Variants in SPIRE1 observed in about 807,000 individuals in gnomAD.
The protein encoded by SPIRE1 is protein spire homolog 1.
Under a neutral mutation model 94.1 loss-of-function variants are expected in SPIRE1, and 40 were observed. The ratio of observed to expected loss-of-function variants is 0.43; its 90% CI spans 0.33 to 0.55. The LOEUF (loss-of-function observed/expected upper bound fraction) is 0.55. Among genes scored for constraint, SPIRE1 ranks in the 20% least tolerant of loss-of-function variants. The probability of loss-of-function intolerance (pLI) is 0.06; values close to 1 mark genes in which losing one functional copy is unlikely to be tolerated. For missense variants in SPIRE1, 838 were observed against 975.2 expected, an observed-to-expected ratio of 0.86 and a Z score of 1.87; for synonymous variants, 376 against 371.7, an observed-to-expected ratio of 1.01 and a Z score of -0.13.
At chr18:12,517,094 A>G (rs373831304) in intron 4 of SPIRE1, among the ~76,000 whole-genome samples, 43 of 152,338 alleles carry the variant, frequency 2.8e-4, no homozygotes, top group African/African-American at 9.6e-4. Context: ...CTCATATATT[A>G]AAGTGCAAAT....
chr18:12,472,384 T>C (rs76916531), intron 10 of SPIRE1, among the ~76,000 whole-genome samples: 1 of 151,310 alleles, frequency 6.6e-6, no homozygotes, highest in Non-Finnish European at 1.5e-5. Flanking sequence ...TTTTTTTTTT[T>C]TGAGACAGGG....
intron 4 of SPIRE1, among the ~76,000 whole-genome samples, chr18:12,522,667 T>C: frequency 6.6e-6 from 1 of 152,158 alleles, no homozygotes; most frequent in Non-Finnish European, 1.5e-5. Flanking sequence ...GGGGCTAATG[T>C]GGGTGATGAA....
intron 8 of SPIRE1, among the ~76,000 whole-genome samples, chr18:12,491,238 T>A (rs1376190124): frequency 7.9e-6 from 1 of 126,076 alleles, no homozygotes. Context: ...TATATACAGA[T>A]CCAATAGAAT....
chr18:12,577,424 G>C (rs1003901604), intron 2 of SPIRE1, among the ~76,000 whole-genome samples: 3 of 152,024 alleles, frequency 2.0e-5, no homozygotes, highest in Non-Finnish European at 2.9e-5. Context: ...TGTGATTACA[G>C]GCATGAGCCA....
At chr18:12,570,839 C>T (rs1315561282) in intron 2 of SPIRE1, among the ~76,000 whole-genome samples, 4 of 152,118 alleles carry the variant, frequency 2.6e-5, no homozygotes, top group African/African-American at 9.7e-5. Context: ...ATGAGGACTT[C>T]CCTTGTTCCA....
At chr18:12,536,412 A>G (rs2034842050) in intron 3 of SPIRE1, among the ~76,000 whole-genome samples, 1 of 152,178 alleles carries the variant, frequency 6.6e-6, no homozygotes, top group Non-Finnish European at 1.5e-5. Flanking sequence ...CCATAGTCAC[A>G]TGGTTACCAA....
At position 12,454,413 on chromosome 18, in the gene SPIRE1, A is replaced by G; in HGVS notation, c.1709T>C (p.Leu570Pro). 1 of 1,614,116 alleles carries G rather than the reference A, an allele frequency of 6.2e-7. No individual in the cohort carries two copies. Among genetic ancestry groups the G allele is most frequent in the Non-Finnish European group, 8.5e-7 (1 of 1,180,000 alleles). The change falls in exon 13 of 17, where the codon CTG becomes CCG. Residue 570 changes from leucine (L) to proline (P), a missense_variant. Around this residue, in one of 2 missense-constraint regions of SPIRE1, gnomAD observed 645 missense variants for 804.7 expected, o/e 0.80. Coordinates refer to ENST00000409402, the MANE Select transcript of SPIRE1 (RefSeq NM_001128626.2). The part of the protein sequence containing the change: ...VEEVMHIRQV[L>P]VKAELEKYQQ... Reference sequence around the variant, plus strand: ...GTATTTTTCCAGCTCTGCCTTCACCAGGACCTGGCGAATATGCATCACTTC... The same window carrying G: ...GTATTTTTCCAGCTCTGCCTTCACCGGGACCTGGCGAATATGCATCACTTC...
intron 9 of SPIRE1, 100 bp from the exon 10 acceptor site, chr18:12,479,971 G>T: frequency 8.8e-7 from 1 of 1,136,624 alleles, no homozygotes; most frequent in Non-Finnish European, 1.2e-6. Context: ...AAACACAGAG[G>T]CTTGATTCAG....
At chr18:12,561,207 C>T (rs1056919904) in intron 2 of SPIRE1, among the ~76,000 whole-genome samples, 4 of 151,478 alleles carry the variant, frequency 2.6e-5, no homozygotes, top group African/African-American at 9.7e-5. Flanking sequence ...GGTCTCCTTA[C>T]ACAAGTTACA....
chr18:12,483,384 T>A (rs983419478), intron 9 of SPIRE1, among the ~76,000 whole-genome samples: 1 of 151,942 alleles, frequency 6.6e-6, no homozygotes, highest in Non-Finnish European at 1.5e-5. Flanking sequence ...TTCTTGTACA[T>A]AAGATGGCAT....
chr18:12,658,297 C>T (rs1163247101), upstream of SPIRE1: 3 of 443,904 alleles, frequency 6.8e-6, no homozygotes, highest in Admixed American at 2.4e-5. Flanking sequence ...CGGTGACGCC[C>T]GGTCGGGGGG....
chr18:12,485,851 C>A (rs1701444203), intron 9 of SPIRE1, 108 bp downstream of exon 9: 2 of 792,762 alleles, frequency 2.5e-6, no homozygotes, highest in East Asian at 2.8e-5. Context: ...TTAGCAGAAG[C>A]CTTTCAATTT....
At chr18:12,470,155 C>T (rs1387768934) in intron 10 of SPIRE1, among the ~76,000 whole-genome samples, 1 of 152,030 alleles carries the variant, frequency 6.6e-6, no homozygotes, top group Admixed American at 6.6e-5. Context: ...CTATGTTGCC[C>T]AGGCTGGTCT....
At chr18:12,633,077 G>A (rs543165369) in intron 2 of SPIRE1, among the ~76,000 whole-genome samples, 1 of 152,102 alleles carries the variant, frequency 6.6e-6, no homozygotes, top group South Asian at 2.1e-4. Context: ...ACATTTTATA[G>A]ATAAGAAAGA....
chr18:12,499,142 A>G (rs1311643833), intron 6 of SPIRE1, among the ~76,000 whole-genome samples: 1 of 152,208 alleles, frequency 6.6e-6, no homozygotes, highest in Non-Finnish European at 1.5e-5. Context: ...AAACCAAGTT[A>G]TAGTTTAGTG....
At chr18:12,525,057 A>G (rs2034467492) in intron 4 of SPIRE1, among the ~76,000 whole-genome samples, 1 of 151,730 alleles carries the variant, frequency 6.6e-6, no homozygotes, top group African/African-American at 2.4e-5. Context: ...CAGGCAGATC[A>G]TGAGGTCAGG....
intron 4 of SPIRE1, among the ~76,000 whole-genome samples, chr18:12,527,476 T>C (rs1438594849): frequency 2.6e-5 from 4 of 152,188 alleles, no homozygotes; most frequent in Non-Finnish European, 2.9e-5. Flanking sequence ...GTGAACATGA[T>C]GTAGGTTGTC....
chr18:12,526,133 G>A (rs1458542421), intron 4 of SPIRE1, among the ~76,000 whole-genome samples: 1 of 146,528 alleles, frequency 6.8e-6, no homozygotes, highest in Non-Finnish European at 1.5e-5. Context: ...TTCAGAGCAT[G>A]GGTAGTCACA....
At chr18:12,535,719 G>T in intron 3 of SPIRE1, 118 bp from the exon 4 acceptor site, 2 of 769,398 alleles carry the variant, frequency 2.6e-6, no homozygotes, top group Non-Finnish European at 4.1e-6. Context: ...CACTTTGGGA[G>T]GCCAACGCAG....
Sources: gnomAD v4.1 joint callset for allele counts (sites outside exome capture counted in the v4.1 genomes callset) on GRCh38, gnomAD v4.1.1 for gene constraint, gnomAD v4.1.1 regional missense constraint, MANE v1.5 for transcripts, NCBI Gene and HGNC (gene_info 2026-07-23, HGNC 2026-07-21) for gene names.